The following NUDT19 variants were observed in gnomAD, a reference collection of about 807,000 sequenced individuals.
The protein encoded by NUDT19 is nudix hydrolase 19.
In NUDT19, 31 loss-of-function variants were observed where a neutral mutation model predicts 22.2. The observed-to-expected ratio is 1.40, with a 90% confidence interval of 1.05 to 1.89. The LOEUF (loss-of-function observed/expected upper bound fraction) is 1.89. Ranked by LOEUF, NUDT19 falls within the 40% of genes most tolerant of loss-of-function variation. NUDT19 has a pLI of 0.00. For synonymous variants in NUDT19, 325 were observed against 230.8 expected (o/e 1.41, Z -3.70); for missense variants, 752 against 514.2 (o/e 1.46, Z -4.47).
chr19:32,712,041 GA>G lies in NUDT19; in HGVS notation c.*86del. ...GACTTTCATTTGCTTGAAACTTAAG[GA>G]AGTTTGTGCCTATAAAAGTTACTGC... On this transcript the variant is annotated 3_prime_UTR_variant, in exon 3 of 3. Transcript: ENST00000397061. 1.1e-6 allele frequency: 1 copy of G among 913,498 alleles called. No individual in the cohort carries two copies. The highest frequency in any genetic ancestry group is 1.8e-6 in the Non-Finnish European group (1 of 558,510). 56.6% of individuals were successfully genotyped at this position (913,498 alleles called of 1,614,324 possible).
Position 32,692,755 on chromosome 19 carries a change from G to A in NUDT19, c.714+81G>A. The A allele has an allele frequency of 4.4e-6, 5 of 1,131,810 alleles. No homozygotes were observed. The South Asian group carries it at 5.3e-5, about 12-fold the overall frequency. 70.1% of individuals were successfully genotyped at this position (1,131,810 alleles called of 1,614,324 possible). On this transcript the variant is annotated intron_variant, in intron 1 of 2. Transcript: ENST00000397061. ...CTCCCAGCGGCCCAGGCCCCCAAGG[G>A]ACCCCCGCATAGGCCAAGCCCAGAG...
At chr19:32,700,067 G>A (rs1968317166) in intron 1 of NUDT19, among the ~76,000 whole-genome samples, 1 of 152,244 alleles carries the variant, frequency 6.6e-6, no homozygotes, top group Non-Finnish European at 1.5e-5. Context: ...TAAACCCAAA[G>A]AGTGAGCAGC....
At chr19:32,703,594 C>T (rs1358188145) in intron 1 of NUDT19, among the ~76,000 whole-genome samples, 1 of 151,062 alleles carries the variant, frequency 6.6e-6, no homozygotes, top group East Asian at 1.9e-4. Flanking sequence ...GGTGATCCAC[C>T]TGCCTCAGCC....
chr19:32,692,259 C>G lies in NUDT19; in HGVS notation c.299C>G (p.Ala100Gly). 6.3e-7 allele frequency: 1 copy of G among 1,592,368 alleles called. No individual in the cohort carries two copies. The highest frequency in any genetic ancestry group is 2.3e-5 in the East Asian group (1 of 44,238). Residue 100 changes from alanine (A) to glycine (G), a missense_variant, in exon 1 of 3, where the codon GCT (alanine) becomes GGT (glycine). Coordinates refer to ENST00000397061, the MANE Select transcript of NUDT19 (RefSeq NM_001105570.2). ...GGCCCGGCGCCATTCAGCCGCACCG[C>G]TTTCCCGTCGCTGCCCGACACCGAT... ...GLGPAPFSRTAFPSLPDTDDH... is the reference protein window; with the variant it reads ...GLGPAPFSRTGFPSLPDTDDH...
chr19:32,699,034 A>G (rs535820662), intron 1 of NUDT19, among the ~76,000 whole-genome samples: 1 of 152,204 alleles, frequency 6.6e-6, no homozygotes, highest in Non-Finnish European at 1.5e-5. Context: ...CCGATATCCT[A>G]GTTTCAGGAA....
chr19:32,697,932 G>C (rs564279125), intron 1 of NUDT19, among the ~76,000 whole-genome samples: 6 of 152,308 alleles, frequency 3.9e-5, no homozygotes, highest in Non-Finnish European at 7.4e-5. Flanking sequence ...CCTACAGCTT[G>C]AAGGGGACAT....
intron 1 of NUDT19, among the ~76,000 whole-genome samples, chr19:32,698,254 TC>T (rs750289139): frequency 1.2e-4 from 18 of 152,096 alleles, no homozygotes; most frequent in Non-Finnish European, 2.2e-4. Flanking sequence ...TGGCCATTTT[TC>T]CCCATCAGAG....
intron 2 of NUDT19, among the ~76,000 whole-genome samples, chr19:32,710,122 C>A (rs1968430036): frequency 6.6e-6 from 1 of 151,886 alleles, no homozygotes; most frequent in Non-Finnish European, 1.5e-5. Flanking sequence ...AGCGATACTT[C>A]TGCCTCAGCC....
chr19:32,692,801 CT>C, intron 1 of NUDT19, 127 bp downstream of exon 1: 1 of 635,822 alleles, frequency 1.6e-6, no homozygotes, highest in Non-Finnish European at 2.5e-6. Context: ...GCAAGGAACG[CT>C]TAGACGGGCT....
chr19:32,695,956 T>G (rs1378227688), intron 1 of NUDT19, among the ~76,000 whole-genome samples: 1 of 152,238 alleles, frequency 6.6e-6, no homozygotes, highest in African/African-American at 2.4e-5. Flanking sequence ...GTTACATCAC[T>G]AACTGTGGCA....
At chr19:32,698,913 A>C (rs866066725) in intron 1 of NUDT19, among the ~76,000 whole-genome samples, 12 of 152,154 alleles carry the variant, frequency 7.9e-5, no homozygotes, top group South Asian at 2.1e-4. Context: ...TATGCCCCCA[A>C]AATGAAGTGG....
At chr19:32,710,741 A>G (rs1317423794) in intron 2 of NUDT19, among the ~76,000 whole-genome samples, 1 of 151,520 alleles carries the variant, frequency 6.6e-6, no homozygotes, top group Non-Finnish European at 1.5e-5. Context: ...TAATAATACA[A>G]AATTAGCTGG....
chr19:32,692,169 C>A lies in NUDT19; in HGVS notation c.209C>A (p.Ala70Asp), dbSNP rs867794605. The change falls in exon 1 of 3, where the codon GCC becomes GAC. Residue 70 changes from alanine (A) to aspartate (D), a missense_variant. Physicochemically the swap from Ala to Asp is moderately radical, Grantham distance 126. Transcript: ENST00000397061. The part of the protein sequence containing the change: ...HVFSGGVLDA[A>D]DRSADWLGLF... The stretch of plus-strand genomic sequence containing the variant: ...TTCTCCGGCGGAGTGCTGGATGCGG[C>A]CGACCGCTCGGCGGACTGGCTGGGC... The A allele has an allele frequency of 6.5e-7, 1 of 1,532,848 alleles. No homozygotes were observed. Among genetic ancestry groups the A allele is most frequent in the Non-Finnish European group, 8.7e-7 (1 of 1,149,744 alleles). 95.0% of individuals were successfully genotyped at this position (1,532,848 alleles called of 1,614,324 possible).
intron 1 of NUDT19, among the ~76,000 whole-genome samples, chr19:32,695,300 C>T (rs2145356332): frequency 6.6e-6 from 1 of 152,248 alleles, no homozygotes; most frequent in East Asian, 1.9e-4. Context: ...CTGCCTCAGC[C>T]TCTGGAGTAG....
intron 1 of NUDT19, among the ~76,000 whole-genome samples, chr19:32,702,552 G>C (rs1599799980): frequency 6.6e-6 from 1 of 152,100 alleles, no homozygotes; most frequent in East Asian, 1.9e-4. Context: ...CGGTAGCAGT[G>C]AGCCAAGATC....
chr19:32,697,101 C>T (rs1968272894), intron 1 of NUDT19, among the ~76,000 whole-genome samples: 1 of 152,152 alleles, frequency 6.6e-6, no homozygotes. Context: ...TGATAACAAG[C>T]CCTACCAGGT....
intron 1 of NUDT19, among the ~76,000 whole-genome samples, chr19:32,697,986 T>G (rs924965089): frequency 6.6e-6 from 1 of 152,154 alleles, no homozygotes; most frequent in Non-Finnish European, 1.5e-5. Context: ...CTTTGGAGAT[T>G]TCTTTGCTTA....
chr19:32,693,008 CTT>C (rs1298544881), intron 1 of NUDT19, among the ~76,000 whole-genome samples: 9 of 149,634 alleles, frequency 6.0e-5, no homozygotes, highest in Admixed American at 1.3e-4. Flanking sequence ...GGAGAACAGA[CTT>C]AATATGATCC....
At position 32,709,401 on chromosome 19, in the gene NUDT19, G is replaced by A. The variant is rs751609957; in HGVS notation, c.922+9G>A. ...GGTCCATCTTTTACCAGGTAAACCA[G>A]TGAAGCATCGGTGCTTTTGTTAGTA... On this transcript the variant is annotated intron_variant, in intron 2 of 2. Coordinates refer to ENST00000397061, the MANE Select transcript of NUDT19 (RefSeq NM_001105570.2). 2.0e-5 allele frequency: 32 copies of A among 1,611,578 alleles called. No homozygotes were observed. The Admixed American group carries it at 3.3e-4, about 17-fold the overall frequency.
Sources: allele counts gnomAD v4.1 joint callset (sites outside exome capture counted in the v4.1 genomes callset), GRCh38; gene constraint gnomAD v4.1.1; transcripts MANE v1.5; gene names NCBI Gene and HGNC (gene_info 2026-07-23, HGNC 2026-07-21).